Variants in LRATD1 observed in about 807,000 individuals in gnomAD.
The protein encoded by LRATD1 is LRAT domain containing 1, also known as protein LRATD1.
Under a neutral mutation model 21.3 loss-of-function variants are expected in LRATD1, and 8 were observed. That is an observed-to-expected ratio of 0.38 (90% CI 0.22 to 0.68). LRATD1 has a LOEUF of 0.68. LRATD1 is among the 30% of genes least tolerant of loss of function. The pLI is 0.54. For synonymous variants in LRATD1, 210 were observed against 186.2 expected (o/e 1.13, Z -1.04); for missense variants, 380 against 404.0 (o/e 0.94, Z 0.51).
chr2:14,641,156 G>A (rs1671799607), downstream of LRATD1, among the ~76,000 whole-genome samples: 4 of 152,190 alleles, frequency 2.6e-5, no homozygotes, highest in South Asian at 8.3e-4. Flanking sequence ...AGAGCCCCCT[G>A]ACTTTTTGGA....
rs1487860170 is a variant in LRATD1 at position 14,637,923 on chromosome 2, A to G, written c.*3065A>G. The G allele has an allele frequency of 1.2e-5, 2 of 167,046 alleles. No homozygotes were observed. The highest frequency in any genetic ancestry group is 3.8e-4 in the East Asian group (2 of 5,202). 10.3% of individuals were successfully genotyped at this position (167,046 alleles called of 1,614,324 possible). On this transcript the variant is annotated 3_prime_UTR_variant, in exon 2 of 2. Coordinates refer to ENST00000295092, the MANE Select transcript of LRATD1 (RefSeq NM_145175.4). ...TGGTTTTAGTTGTCCTCAAGAGACAACAGGTTCACAGTAATTTCCATGATG... is the reference window on the plus strand; with the variant it reads ...TGGTTTTAGTTGTCCTCAAGAGACAGCAGGTTCACAGTAATTTCCATGATG...
rs1671683777 is a variant in LRATD1 at position 14,636,136 on chromosome 2, C to T, written c.*1278C>T. 5.7e-6 allele frequency: 1 copy of T among 176,560 alleles called. No homozygotes were observed. Among genetic ancestry groups the T allele is most frequent in the Non-Finnish European group, 1.4e-5 (1 of 73,036 alleles). The allele number at this position is 176,560 out of a possible 1,614,324, so 10.9% of individuals were successfully genotyped here. On this transcript the variant is annotated 3_prime_UTR_variant, in exon 2 of 2. Coordinates refer to ENST00000295092, the MANE Select transcript of LRATD1 (RefSeq NM_145175.4). ...CATTGCCTTTTCACTCTATTTTTCTCAGATATTGTAAGCATTCTGTTTTTC... is the reference window on the plus strand; with the variant it reads ...CATTGCCTTTTCACTCTATTTTTCTTAGATATTGTAAGCATTCTGTTTTTC...
chr2:14,637,161 T>G lies in LRATD1; in HGVS notation c.*2303T>G, dbSNP rs1009303211. 3.6e-5 allele frequency: 6 copies of G among 167,082 alleles called. No homozygotes were observed. The highest frequency in any genetic ancestry group is 8.8e-5 in the Non-Finnish European group (6 of 68,120). 10.3% of individuals were successfully genotyped at this position (167,082 alleles called of 1,614,324 possible). ...TTTATTGTATCTACACACTCCACAT[T>G]CTTTACTGTGTCCTACTACTGTATC... On this transcript the variant is annotated 3_prime_UTR_variant, in exon 2 of 2. Coordinates refer to ENST00000295092, the MANE Select transcript of LRATD1 (RefSeq NM_145175.4).
At chr2:14,643,273 G>A (rs1671834410), downstream of LRATD1, among the ~76,000 whole-genome samples, 1 of 151,980 alleles carries the variant, frequency 6.6e-6, no homozygotes, top group African/African-American at 2.4e-5. Context: ...TGAGAGGAGA[G>A]GTAGTTACTC....
At chr2:14,642,730 C>G (rs1260205957), downstream of LRATD1, among the ~76,000 whole-genome samples, 1 of 152,116 alleles carries the variant, frequency 6.6e-6, no homozygotes, top group Non-Finnish European at 1.5e-5. Context: ...CTTTGATTGA[C>G]GGTTGGACCT....
In LRATD1 at chr2:14,634,735, C is replaced by T; in HGVS notation, c.756C>T (p.Asn252=). ...ATCTCAAGGTGCACCTGGGAGAGAA[C>T]AAGGTCCACACCGCCAGGTTTCACA... ...QYYLKVHLGE[N]KVHTARFHSL... Residue 252 remains asparagine, a synonymous_variant, in exon 2 of 2, where the codon AAC becomes AAT. Transcript: ENST00000295092. 1 of 1,564,716 alleles carries T rather than the reference C, an allele frequency of 6.4e-7. No individual in the cohort carries two copies. The highest frequency in any genetic ancestry group is 8.7e-7 in the Non-Finnish European group (1 of 1,152,190).
chr2:14,640,615 G>A (rs1301792325), downstream of LRATD1, among the ~76,000 whole-genome samples: 1 of 152,176 alleles, frequency 6.6e-6, no homozygotes, highest in African/African-American at 2.4e-5. Context: ...CTATTTGAGA[G>A]CTTCTTTATT....
rs1671702755 is a variant in LRATD1 at position 14,636,996 on chromosome 2, T to C, written c.*2138T>C. ...ATTTTTTAAAAAATGTTTAAATGCA[T>C]ATGCTTTTCTTTCAGCACAAACAAC... On this transcript the variant is annotated 3_prime_UTR_variant, in exon 2 of 2. Coordinates refer to ENST00000295092, the MANE Select transcript of LRATD1 (RefSeq NM_145175.4). The C allele has an allele frequency of 6.0e-6, 1 of 167,102 alleles. No homozygotes were observed. The highest frequency in any genetic ancestry group is 1.5e-5 in the Non-Finnish European group (1 of 68,120). 10.4% of individuals were successfully genotyped at this position (167,102 alleles called of 1,614,324 possible).
At chr2:14,651,021 A>G (rs552914343), downstream of LRATD1, among the ~76,000 whole-genome samples, 39 of 152,036 alleles carry the variant, frequency 2.6e-4, no homozygotes, top group Non-Finnish European at 5.3e-4. Flanking sequence ...TTATTGATTG[A>G]TTTCTTTTTA....
downstream of LRATD1, among the ~76,000 whole-genome samples, chr2:14,643,852 T>A (rs1343855131): frequency 6.6e-6 from 1 of 152,198 alleles, no homozygotes; most frequent in East Asian, 1.9e-4. Flanking sequence ...TCTGTTTAAG[T>A]TAATGAGAAC....
At position 14,634,041 on chromosome 2, in the gene LRATD1, C is replaced by G. The variant is rs1274316363; in HGVS notation, c.62C>G (p.Pro21Arg). The change falls in exon 2 of 2, where the codon CCG becomes CGG. Residue 21 changes from proline to arginine, a missense_variant. By Grantham distance (103) the Pro-to-Arg change is moderately radical. Transcript: ENST00000295092. Reference sequence around the variant, plus strand: ...TACAGCGAGTTGCCCACAGGGGACCCGTCGGGGATTGAAAAGGACGAACTG... The same window carrying G: ...TACAGCGAGTTGCCCACAGGGGACCGGTCGGGGATTGAAAAGGACGAACTG... ...LNYSELPTGD[P>R]SGIEKDELRV... 6.2e-7 allele frequency: 1 copy of G among 1,613,974 alleles called. No individual in the cohort carries two copies.
intron 4 of LRATD1, among the ~76,000 whole-genome samples, chr2:14,649,076 C>A (rs1224391648): frequency 6.6e-6 from 1 of 152,092 alleles, no homozygotes; most frequent in Non-Finnish European, 1.5e-5. Flanking sequence ...TTTACAACTT[C>A]ATTAAAAGTC....
At chr2:14,648,462 CAAAGAGAAG>C (rs1212638048) in intron 4 of LRATD1, among the ~76,000 whole-genome samples, 6 of 152,080 alleles carry the variant, frequency 3.9e-5, no homozygotes, top group Non-Finnish European at 8.8e-5. Context: ...CTATATATTC[CAAAGAGAAG>C]AGTGAGAAGA....
intron 4 of LRATD1, among the ~76,000 whole-genome samples, chr2:14,648,209 C>T (rs1417637144): frequency 6.6e-6 from 1 of 152,142 alleles, no homozygotes; most frequent in African/African-American, 2.4e-5. Context: ...GCATCAGTTC[C>T]TCATAGACTC....
rs1307523552 is a variant in LRATD1, at chr2:14,635,526, C to G, written c.*668C>G. On this transcript the variant is annotated 3_prime_UTR_variant, in exon 2 of 2. Coordinates refer to ENST00000295092, the MANE Select transcript of LRATD1 (RefSeq NM_145175.4). ...GGGCTAAGCCAGACAGTGTTTGCCTCCGGTTCTTTCCACCGTGGGAAGCGA... is the reference window on the plus strand; with the variant it reads ...GGGCTAAGCCAGACAGTGTTTGCCTGCGGTTCTTTCCACCGTGGGAAGCGA... The G allele has an allele frequency of 2.1e-6, 1 of 471,102 alleles. No individual in the cohort carries two copies. Among genetic ancestry groups the G allele is most frequent in the African/African-American group, 2.0e-5 (1 of 50,104 alleles). 29.2% of individuals were successfully genotyped at this position (471,102 alleles called of 1,614,324 possible).
Position 14,634,348 on chromosome 2 carries a change from C to T in LRATD1, c.369C>T (p.Gly123=), listed in dbSNP as rs1309743392. Residue 123 remains glycine (G), a synonymous_variant, in exon 2 of 2, where the codon GGC becomes GGT. Coordinates refer to ENST00000295092, the MANE Select transcript of LRATD1 (RefSeq NM_145175.4). ...CGCTGCCAGCGCTCTGCGAACCCGG[C>T]GACCTGCTGGAGCTGCTGTGGCTGC... The part of the protein sequence containing the change: ...VTALPALCEP[G]DLLELLWLQP... 1.3e-6 allele frequency: 2 copies of T among 1,582,634 alleles called. No homozygotes were observed. Among genetic ancestry groups the T allele is most frequent in the East Asian group, 2.3e-5 (1 of 43,838 alleles).
In LRATD1 at chr2:14,633,775, G is replaced by GC. The variant is rs919448264; in HGVS notation, c.-36-165dup. On this transcript the variant is annotated intron_variant, in intron 1 of 1. Transcript: ENST00000295092. The surrounding 1 kb of genome is among the most constrained non-coding windows in gnomAD (Gnocchi z 7.5). ...TCGCCTGACCTGTGGCGGCTTCTCC[G>GC]CCCCTCGTACCCCTGGGGAGGCACG... 9.1e-6 allele frequency: 6 copies of GC among 657,386 alleles called. No individual in the cohort carries two copies. Among genetic ancestry groups the GC allele is most frequent in the Non-Finnish European group, 1.3e-5 (5 of 391,426 alleles). The allele number at this position is 657,386 out of a possible 1,614,324, so 40.7% of individuals were successfully genotyped here.
At position 14,634,339 on chromosome 2, in the gene LRATD1, C is replaced by T. The variant is rs750138240; in HGVS notation, c.360C>T (p.Cys120=). 1 of 1,585,710 alleles carries T rather than the reference C, an allele frequency of 6.3e-7. No individual in the cohort carries two copies. Among genetic ancestry groups the T allele is most frequent in the South Asian group, 1.1e-5 (1 of 89,088 alleles). ...VYAVTALPAL[C]EPGDLLELLW... ...CGGTCACCGCGCTGCCAGCGCTCTG[C>T]GAACCCGGCGACCTGCTGGAGCTGC... Residue 120 remains cysteine (C), a synonymous_variant, in exon 2 of 2, where the codon TGC becomes TGT. Transcript: ENST00000295092.
rs946087666 is a variant in LRATD1, at chr2:14,639,423, A to G, written c.*4565A>G. ...ATGAGATCATATAATGAGCTAATAA[A>G]CTTTTCAACAGGGGACACCTGTTCT... On this transcript the variant is annotated 3_prime_UTR_variant, in exon 2 of 2. Transcript: ENST00000295092. The G allele has an allele frequency of 1.8e-5, 3 of 166,898 alleles. No homozygotes were observed. Among genetic ancestry groups the G allele is most frequent in the Admixed American group, 1.3e-4 (2 of 15,280 alleles). The allele number at this position is 166,898 out of a possible 1,614,324, so 10.3% of individuals were successfully genotyped here. A position where few individuals can be genotyped will look rare whatever the true frequency, so the allele number is the denominator to read the frequency against.
Sources: allele counts gnomAD v4.1 joint callset (sites outside exome capture counted in the v4.1 genomes callset), GRCh38; gene constraint gnomAD v4.1.1; non-coding constraint Gnocchi (gnomAD v3.1); transcripts MANE v1.5; gene names NCBI Gene and HGNC (gene_info 2026-07-23, HGNC 2026-07-21).